LIPA: variants seen among roughly 807,000 people sequenced by gnomAD.
LIPA encodes the protein lysosomal acid lipase/cholesteryl ester hydrolase.
Under a neutral mutation model 40.6 loss-of-function variants are expected in LIPA, and 26 were observed. That is an observed-to-expected ratio of 0.64 (90% CI 0.47 to 0.89). LIPA has a LOEUF of 0.89. LIPA is among the 40% of genes least tolerant of loss of function. The pLI, the probability that LIPA is intolerant of heterozygous loss-of-function variation, is 0.00. For synonymous variants in LIPA, 188 were observed against 168.4 expected (o/e 1.12, Z -0.90); for missense variants, 455 against 479.6 (o/e 0.95, Z 0.48).
At chr10:89,307,300 A>C in intron 1 of LIPA, 1 of 1,613,956 alleles carries the variant, frequency 6.2e-7, no homozygotes, top group East Asian at 2.2e-5. Flanking sequence ...AAATGCAACA[A>C]GCAGATGAAG....
At chr10:89,305,132 A>T (rs1843470427) in intron 1 of LIPA, among the ~76,000 whole-genome samples, 1 of 152,208 alleles carries the variant, frequency 6.6e-6, no homozygotes, top group African/African-American at 2.4e-5. Context: ...TTTATTCCAA[A>T]ATAAATGTTT....
At chr10:89,338,775 C>A in intron 1 of LIPA, 1 of 1,614,040 alleles carries the variant, frequency 6.2e-7, no homozygotes, top group Middle Eastern at 1.6e-4. Context: ...GAGTGTGTAA[C>A]CAGATTGAAT....
chr10:89,351,453 G>A (rs970441179), intron 2 of LIPA, among the ~76,000 whole-genome samples: 1 of 152,138 alleles, frequency 6.6e-6, no homozygotes, highest in East Asian at 1.9e-4. Flanking sequence ...TATCCATGAC[G>A]ATTTTATAAA....
chr10:89,293,016 TCCCCACC>T (rs1172671112), intron 1 of LIPA, among the ~76,000 whole-genome samples: 1 of 152,118 alleles, frequency 6.6e-6, no homozygotes, highest in African/African-American at 2.4e-5. Flanking sequence ...TGGCTTTGTG[TCCCCACC>T]CAAATCTCAT....
At chr10:89,414,495 G>T (rs950043199) in exon 1 of LIPA, 40 of 376,286 alleles carry the variant, frequency 1.1e-4, no homozygotes, top group African/African-American at 7.4e-4. Context: ...CAAACGTCTG[G>T]CCGCGGCTCT....
At chr10:89,338,239 C>T (rs551961659) in intron 1 of LIPA, 3 of 162,808 alleles carry the variant, frequency 1.8e-5, no homozygotes, top group Admixed American at 5.7e-5. Context: ...TGTCTGCAAG[C>T]TGGAGACCAA....
At chr10:89,282,658 AG>A (rs1223208086) in intron 1 of LIPA, among the ~76,000 whole-genome samples, 1 of 152,034 alleles carries the variant, frequency 6.6e-6, no homozygotes, top group Non-Finnish European at 1.5e-5. Flanking sequence ...TAAAAAAAAA[AG>A]AAAGAAAGAA....
intron 2 of LIPA, among the ~76,000 whole-genome samples, chr10:89,363,909 G>A (rs1844040641): frequency 6.6e-6 from 1 of 152,146 alleles, no homozygotes; most frequent in South Asian, 2.1e-4. Context: ...ATCTGATGAG[G>A]AGAGTTTGAA....
intron 8 of LIPA, among the ~76,000 whole-genome samples, chr10:89,216,552 G>GA (rs58986155): frequency 2.0e-5 from 3 of 151,350 alleles, no homozygotes; most frequent in Non-Finnish European, 2.9e-5. Flanking sequence ...AAAATATTTG[G>GA]AAAAAAACAA....
chr10:89,307,628 T>C (rs1843491055), intron 1 of LIPA: 1 of 369,600 alleles, frequency 2.7e-6, no homozygotes, highest in Non-Finnish European at 4.9e-6. Flanking sequence ...GATTGACTTC[T>C]TGAGTGCAAT....
intron 1 of LIPA, chr10:89,340,093 A>C: frequency 6.2e-7 from 1 of 1,610,180 alleles, no homozygotes; most frequent in Non-Finnish European, 8.5e-7. Context: ...CTCCAGTCCC[A>C]GAGAGCTCCT....
intron 2 of LIPA, among the ~76,000 whole-genome samples, chr10:89,391,512 G>A (rs114393671): frequency 0.041 from 6,229 of 151,890 alleles, 418 homozygotes; most frequent in African/African-American, 0.14. Flanking sequence ...CAATGCACCC[G>A]GACAACAATT....
chr10:89,332,171 C>T (rs545756625), intron 1 of LIPA, among the ~76,000 whole-genome samples: 2 of 152,320 alleles, frequency 1.3e-5, no homozygotes, highest in African/African-American at 2.4e-5. Context: ...GCAGAAATTG[C>T]AGTGAGACTA....
At chr10:89,284,088 G>A (rs1030334073) in intron 1 of LIPA, 1 of 152,174 alleles carries the variant, frequency 6.6e-6, no homozygotes, top group African/African-American at 2.4e-5. Flanking sequence ...TTCCCTGATG[G>A]AAGCCTTTAG....
chr10:89,382,108 T>C (rs1011403178), intron 2 of LIPA, among the ~76,000 whole-genome samples: 1 of 152,156 alleles, frequency 6.6e-6, no homozygotes, highest in African/African-American at 2.4e-5. Context: ...AAAAAGAATG[T>C]TTCATCATCC....
chr10:89,317,082 G>T lies in LIPA; in HGVS notation c.-2+25529C>A, dbSNP rs1828409421. On this transcript the variant is annotated intron_variant, in intron 1 of 5. Coordinates refer to the LIPA transcript ENST00000282673. ...TATGTCACCATCATCAAAGACCAAAGGTAGATAAAACCACAAAGATGGGGA... is the reference window on the plus strand; with the variant it reads ...TATGTCACCATCATCAAAGACCAAATGTAGATAAAACCACAAAGATGGGGA... Among the ~76,000 whole-genome samples, 3 of 152,160 alleles carry T rather than the reference G, an allele frequency of 2.0e-5. No individual in the cohort carries two copies. The South Asian group carries it at 6.2e-4, about 31-fold the overall frequency.
intron 1 of LIPA, among the ~76,000 whole-genome samples, chr10:89,298,935 A>G (rs1003010244): frequency 6.6e-6 from 1 of 152,052 alleles, no homozygotes; most frequent in Non-Finnish European, 1.5e-5. Context: ...GTGAGCAGAG[A>G]TCGCACCACT....
At chr10:89,357,827 C>A (rs1843996421) in intron 2 of LIPA, among the ~76,000 whole-genome samples, 1 of 152,060 alleles carries the variant, frequency 6.6e-6, no homozygotes, top group South Asian at 2.1e-4. Context: ...TGATGATAAC[C>A]ATTAAAATAA....
intron 3 of LIPA, among the ~76,000 whole-genome samples, chr10:89,240,947 G>A (rs559570117): frequency 3.3e-5 from 5 of 152,278 alleles, no homozygotes; most frequent in African/African-American, 4.8e-5. Flanking sequence ...CATCCCCGCA[G>A]AGTCTGGTGG....
Sources: allele counts gnomAD v4.1 joint callset (sites outside exome capture counted in the v4.1 genomes callset), GRCh38; gene constraint gnomAD v4.1.1; transcripts MANE v1.5; gene names NCBI Gene and HGNC (gene_info 2026-07-23, HGNC 2026-07-21).